The following SNX7 variants were observed in gnomAD, a reference collection of about 807,000 sequenced individuals.
SNX7 encodes sorting nexin 7, also known as sorting nexin-7.
In SNX7, 35 loss-of-function variants were observed where a neutral mutation model predicts 48.4. That is an observed-to-expected ratio of 0.72 (90% CI 0.55 to 0.96). The LOEUF (loss-of-function observed/expected upper bound fraction) is 0.96. SNX7 is among the 40% of genes least tolerant of loss of function. The pLI, the probability that SNX7 is intolerant of heterozygous loss-of-function variation, is 0.00. For synonymous variants in SNX7, 190 were observed against 190.2 expected, an observed-to-expected ratio of 1.00 and a Z score of 0.01; for missense variants, 553 against 548.9, an observed-to-expected ratio of 1.01 and a Z score of -0.07.
chr1:98,710,595 C>T (rs1020395019), intron 7 of SNX7, among the ~76,000 whole-genome samples: 10 of 152,052 alleles, frequency 6.6e-5, no homozygotes, highest in African/African-American at 1.7e-4. Context: ...GTTTGCCTGC[C>T]GTAGATAGAA....
intron 8 of SNX7, among the ~76,000 whole-genome samples, chr1:98,759,302 T>C (rs181237784): frequency 6.6e-6 from 1 of 152,188 alleles, no homozygotes; most frequent in Non-Finnish European, 1.5e-5. Context: ...GAATCCTAAA[T>C]GTGTACAGAC....
chr1:98,698,128 G>T (rs1468990615), intron 5 of SNX7, among the ~76,000 whole-genome samples: 1 of 152,122 alleles, frequency 6.6e-6, no homozygotes, highest in African/African-American at 2.4e-5. Flanking sequence ...GAATAGTTAG[G>T]AGACCCTTGA....
intron 7 of SNX7, among the ~76,000 whole-genome samples, chr1:98,709,593 T>C (rs913628525): frequency 6.6e-6 from 1 of 152,198 alleles, no homozygotes; most frequent in Non-Finnish European, 1.5e-5. Flanking sequence ...TTTATATTTT[T>C]CTTTTATGAG....
chr1:98,738,322 A>G lies in SNX7; in HGVS notation c.1211A>G (p.Asn404Ser). Residue 404 changes from asparagine (N) to serine (S), a missense_variant, in exon 8 of 9, where the codon AAT (asparagine) becomes AGT (serine). Asn to Ser is a conservative substitution (Grantham distance 46). Coordinates refer to ENST00000306121, the MANE Select transcript of SNX7 (RefSeq NM_015976.5). ...LKADWERWKQNMQNDIKLAFT... is the reference protein window; with the variant it reads ...LKADWERWKQSMQNDIKLAFT... ...GCAGATTGGGAGAGATGGAAACAAAATATGCAAAATGATATCAAGTTAGCA... is the reference window on the plus strand; with the variant it reads ...GCAGATTGGGAGAGATGGAAACAAAGTATGCAAAATGATATCAAGTTAGCA... The G allele has an allele frequency of 6.2e-7, 1 of 1,613,692 alleles. No individual in the cohort carries two copies. The highest frequency in any genetic ancestry group is 8.5e-7 in the Non-Finnish European group (1 of 1,179,764).
chr1:98,731,344 A>C (rs1159228156), intron 7 of SNX7, among the ~76,000 whole-genome samples: 2 of 152,114 alleles, frequency 1.3e-5, no homozygotes, highest in African/African-American at 4.8e-5. Flanking sequence ...AGACAGGAAG[A>C]ATATTTATTA....
At chr1:98,661,685 C>G (rs1490385926), upstream of SNX7, 1 of 1,194,866 alleles carries the variant, frequency 8.4e-7, no homozygotes, top group Non-Finnish European at 1.0e-6. Flanking sequence ...CTCGGGGGAG[C>G]CGGGCTGGCG....
chr1:98,697,764 A>T (rs1651539258), intron 5 of SNX7, among the ~76,000 whole-genome samples: 1 of 152,150 alleles, frequency 6.6e-6, no homozygotes, highest in African/African-American at 2.4e-5. Context: ...TAATGCTTTA[A>T]TAGAAGTATA....
intron 8 of SNX7, among the ~76,000 whole-genome samples, chr1:98,749,242 G>T (rs1375171945): frequency 1.3e-5 from 2 of 152,070 alleles, no homozygotes; most frequent in Middle Eastern, 3.4e-3. Flanking sequence ...TGAGAGAAAT[G>T]GAATAAATTT....
chr1:98,750,827 A>G (rs543292616), intron 8 of SNX7, among the ~76,000 whole-genome samples: 76 of 152,250 alleles, frequency 5.0e-4, no homozygotes, highest in Non-Finnish European at 9.1e-4. Flanking sequence ...GGAAATTATA[A>G]TGACAGTTAT....
chr1:98,727,423 C>CA (rs1486487821), intron 7 of SNX7, among the ~76,000 whole-genome samples: 1 of 151,428 alleles, frequency 6.6e-6, no homozygotes, highest in African/African-American at 2.4e-5. Context: ...AAGAATCAAC[C>CA]AAAAAATACA....
intron 7 of SNX7, among the ~76,000 whole-genome samples, chr1:98,724,835 T>C (rs1321808840): frequency 1.3e-5 from 2 of 152,202 alleles, no homozygotes; most frequent in African/African-American, 4.8e-5. Context: ...AAACAGACTG[T>C]AGGGAAGCTG....
At chr1:98,723,439 G>A (rs1652993452) in intron 7 of SNX7, among the ~76,000 whole-genome samples, 1 of 148,686 alleles carries the variant, frequency 6.7e-6, no homozygotes, top group South Asian at 2.2e-4. Context: ...CATAAATTTT[G>A]TATTTTAAAA....
At chr1:98,697,725 A>T (rs1651537246) in intron 5 of SNX7, among the ~76,000 whole-genome samples, 1 of 152,146 alleles carries the variant, frequency 6.6e-6, no homozygotes, top group Admixed American at 6.5e-5. Context: ...AGAGCATTTG[A>T]GTTATAAGAC....
At chr1:98,727,451 G>T (rs535431478) in intron 7 of SNX7, among the ~76,000 whole-genome samples, 9 of 152,120 alleles carry the variant, frequency 5.9e-5, no homozygotes. Context: ...AACTAAAAAA[G>T]CCAGTGTACC....
chr1:98,738,450 C>A, intron 8 of SNX7, 61 bp downstream of exon 8: 2 of 1,507,036 alleles, frequency 1.3e-6, no homozygotes, highest in South Asian at 1.2e-5. Flanking sequence ...ACTTTTGGTC[C>A]GTCCAATGTT....
Position 98,661,747 on chromosome 1 carries a change from C to G in SNX7, c.16C>G (p.Arg6Gly), listed in dbSNP as rs1272774741. Reference sequence around the variant, plus strand: ...CACTCTCGGGATGGAGGGCGAGCGCCGGGCATCGCAGGCGCCCTCCTCGGG... The same window carrying G: ...CACTCTCGGGATGGAGGGCGAGCGCGGGGCATCGCAGGCGCCCTCCTCGGG... Reference protein sequence around the residue: MEGERRASQAPSSGLP... With the variant: MEGERGASQAPSSGLP... The change falls in exon 1 of 9, where the codon CGG becomes GGG. Residue 6 changes from arginine to glycine, a missense_variant. Coordinates refer to ENST00000306121, the MANE Select transcript of SNX7 (RefSeq NM_015976.5). The G allele has an allele frequency of 8.1e-7, 1 of 1,234,268 alleles. No individual in the cohort carries two copies. The highest frequency in any genetic ancestry group is 4.3e-5 in the Admixed American group (1 of 23,424). The allele number at this position is 1,234,268 out of a possible 1,614,324, so 76.5% of individuals were successfully genotyped here.
chr1:98,695,271 C>A (rs12138303), intron 4 of SNX7, among the ~76,000 whole-genome samples: 1 of 151,894 alleles, frequency 6.6e-6, no homozygotes, highest in African/African-American at 2.4e-5. Context: ...TAAAGATTTA[C>A]GGTCTGAGGA....
chr1:98,677,587 A>G (rs1206859270), intron 1 of SNX7, among the ~76,000 whole-genome samples: 1 of 152,192 alleles, frequency 6.6e-6, no homozygotes, highest in Non-Finnish European at 1.5e-5. Context: ...AATTAGAAAT[A>G]GAGGTATATA....
chr1:98,727,527 G>A (rs1260319908), intron 7 of SNX7, among the ~76,000 whole-genome samples: 2 of 152,080 alleles, frequency 1.3e-5, no homozygotes, highest in South Asian at 2.1e-4. Flanking sequence ...AGGCTGAGAC[G>A]GATGAACTGA....
Sources: gnomAD v4.1 joint callset for allele counts (sites outside exome capture counted in the v4.1 genomes callset) on GRCh38, gnomAD v4.1.1 for gene constraint, MANE v1.5 for transcripts, NCBI Gene and HGNC (gene_info 2026-07-23, HGNC 2026-07-21) for gene names.